DTL: variants seen among roughly 807,000 people sequenced by gnomAD.
The protein encoded by DTL is denticleless E3 ubiquitin protein ligase adapter.
In DTL, 46 loss-of-function variants were observed where a neutral mutation model predicts 87.0. That is an observed-to-expected ratio of 0.53 (90% CI 0.42 to 0.68). The LOEUF (loss-of-function observed/expected upper bound fraction) is 0.68. Ranked by LOEUF, DTL falls within the 30% of genes least tolerant of loss-of-function variation. The probability of loss-of-function intolerance (pLI) is 0.00; values close to 1 mark genes in which losing one functional copy is unlikely to be tolerated. For synonymous variants in DTL, 308 were observed against 311.2 expected (o/e 0.99, Z 0.11); for missense variants, 737 against 869.4 (o/e 0.85, Z 1.91).
intron 8 of DTL, among the ~76,000 whole-genome samples, chr1:212,067,254 T>C (rs1558080508): frequency 6.6e-6 from 1 of 152,206 alleles, no homozygotes; most frequent in Non-Finnish European, 1.5e-5. Flanking sequence ...TTTTGTCTTT[T>C]TCAGGTTTAA....
At chr1:212,057,581 C>A (rs1020864376) in intron 5 of DTL, among the ~76,000 whole-genome samples, 1 of 151,942 alleles carries the variant, frequency 6.6e-6, no homozygotes, top group Non-Finnish European at 1.5e-5. Flanking sequence ...TACTGGTAAG[C>A]AAACACACAA....
chr1:212,084,302 C>T (rs1408740774), intron 13 of DTL, among the ~76,000 whole-genome samples: 2 of 151,576 alleles, frequency 1.3e-5, no homozygotes, highest in Non-Finnish European at 2.9e-5. Flanking sequence ...TCTCCTGCCT[C>T]AGCCTCCTGA....
rs1363331451 is a variant in DTL, at chr1:212,102,877, C to A, written c.2130C>A (p.Cys710Ter). Reference protein sequence around the residue: ...TITPSSMRKICTYFHRKSQED... With the variant: ...TITPSSMRKI Reference sequence around the variant, plus strand: ...CGCCCAGCTCCATGAGGAAAATCTGCACATACTTCCATAGAAAGTCCCAGG... The same window carrying A: ...CGCCCAGCTCCATGAGGAAAATCTGAACATACTTCCATAGAAAGTCCCAGG... Residue 710 changes from cysteine to a stop codon, truncating the protein, a stop_gained, in exon 15 of 15, where the codon TGC becomes TGA. Coordinates refer to ENST00000366991, the MANE Select transcript of DTL (RefSeq NM_016448.4). LOFTEE classifies it high-confidence loss of function. 1.2e-6 allele frequency: 2 copies of A among 1,612,658 alleles called. No individual in the cohort carries two copies. The highest frequency in any genetic ancestry group is 4.5e-5 in the East Asian group (2 of 44,812).
intron 13 of DTL, among the ~76,000 whole-genome samples, chr1:212,082,335 T>C (rs1655011082): frequency 6.6e-6 from 1 of 152,188 alleles, no homozygotes. Flanking sequence ...TAGACAGTTC[T>C]TTCAAGGAGT....
chr1:212,072,111 C>G lies in DTL; in HGVS notation c.933C>G (p.Phe311Leu), dbSNP rs370526029. The change falls in exon 11 of 15, where the codon TTC becomes TTG. Residue 311 changes from phenylalanine (F) to leucine (L), a missense_variant. Phe to Leu is a conservative substitution (Grantham distance 22). Transcript: ENST00000366991. Reference sequence around the variant, plus strand: ...TTTTTCCTCTGGCAGTGGCTATTTTCAATGGACACCAGAACTCTACCTTTT... The same window carrying G: ...TTTTTCCTCTGGCAGTGGCTATTTTGAATGGACACCAGAACTCTACCTTTT... Reference protein sequence around the residue: ...TGLKTSPVAIFNGHQNSTFYV... With the variant: ...TGLKTSPVAILNGHQNSTFYV... 325 of 1,613,712 alleles carry G rather than the reference C, an allele frequency of 2.0e-4. No individual in the cohort carries two copies. The highest frequency in any genetic ancestry group is 2.4e-4 in the Non-Finnish European group (288 of 1,179,870).
intron 14 of DTL, 24 bp downstream of exon 14, chr1:212,101,108 T>TA (rs761394698): frequency 6.6e-7 from 1 of 1,520,226 alleles, no homozygotes; most frequent in South Asian, 1.3e-5. Flanking sequence ...GGTGGGAAGA[T>TA]ACATTTCCTA....
At chr1:212,064,648 A>C (rs1223074882) in intron 6 of DTL, among the ~76,000 whole-genome samples, 1 of 152,180 alleles carries the variant, frequency 6.6e-6, no homozygotes, top group East Asian at 1.9e-4. Flanking sequence ...ATAATATTCC[A>C]TTGTCTGGAT....
rs752282827 is a variant in DTL at position 212,035,883 on chromosome 1, C to T, written c.-8C>T. 2 of 1,614,092 alleles carry T rather than the reference C, an allele frequency of 1.2e-6. No individual in the cohort carries two copies. The highest frequency in any genetic ancestry group is 1.7e-6 in the Non-Finnish European group (2 of 1,179,968). ...TTTCTCTCAGCTGAGGCTTTTCCTC[C>T]GACCCTGATGCTCTTCAATTCGGTG... is the stretch of plus-strand genomic sequence containing the variant. On this transcript the variant is annotated 5_prime_UTR_variant, in exon 1 of 15. Transcript: ENST00000366991.
At chr1:212,063,364 C>T (rs1315747918) in intron 6 of DTL, among the ~76,000 whole-genome samples, 1 of 151,074 alleles carries the variant, frequency 6.6e-6, no homozygotes, top group Non-Finnish European at 1.5e-5. Context: ...ACTTGGCTCA[C>T]TGCACTCCCC....
At position 212,050,373 on chromosome 1, in the gene DTL, C is replaced by G. The variant is rs137964903; in HGVS notation, c.460+2956C>G. Among the ~76,000 whole-genome samples, 525 of 152,130 alleles carry G rather than the reference C, an allele frequency of 3.5e-3. 3 individuals carry two copies. The highest frequency in any genetic ancestry group is 5.4e-3 in the Non-Finnish European group (369 of 67,988). On this transcript the variant is annotated intron_variant, in intron 5 of 14. Coordinates refer to ENST00000366991, the MANE Select transcript of DTL (RefSeq NM_016448.4). ...GAATTTGCCTTCCCTAAGTATCTAC[C>G]AACTAAAAGCAAAGAAAATGGACTC...
At chr1:212,068,760 G>GTA in intron 10 of DTL, 57 bp downstream of exon 10, 4 of 1,144,180 alleles carry the variant, frequency 3.5e-6, no homozygotes, top group Non-Finnish European at 5.1e-6. Context: ...GCTTTTTTTG[G>GTA]TAATGATAAT....
At position 212,080,352 on chromosome 1, in the gene DTL, T is replaced by C. The variant is rs191701197; in HGVS notation, c.1126-263T>C. 3 of 266,000 alleles carry C rather than the reference T, an allele frequency of 1.1e-5. No individual in the cohort carries two copies. The Admixed American group carries it at 1.5e-4, about 13-fold the overall frequency. The allele number at this position is 266,000 out of a possible 1,614,324, so 16.5% of individuals were successfully genotyped here. On this transcript the variant is annotated intron_variant, in intron 12 of 14. Transcript: ENST00000366991. ...ATGATAAAGAGCCAGAACTTTAGAT[T>C]AGATAAGAAATGACCAGTAACAAAA... is the stretch of plus-strand genomic sequence containing the variant.
chr1:212,094,760 G>A (rs943426663), intron 13 of DTL, among the ~76,000 whole-genome samples: 1 of 152,132 alleles, frequency 6.6e-6, no homozygotes, highest in African/African-American at 2.4e-5. Flanking sequence ...CCATTTGTTT[G>A]TGTCATCTGA....
At chr1:212,068,508 C>T in intron 9 of DTL, 91 bp from the exon 10 acceptor site, 2 of 904,776 alleles carry the variant, frequency 2.2e-6, no homozygotes, top group Non-Finnish European at 3.5e-6. Flanking sequence ...GATGATGATT[C>T]TTATGAAATG....
intron 5 of DTL, among the ~76,000 whole-genome samples, chr1:212,060,375 G>A (rs1571954200): frequency 1.3e-5 from 2 of 152,034 alleles, no homozygotes; most frequent in Non-Finnish European, 2.9e-5. Context: ...TACAATAAAC[G>A]GTGCTGGGAA....
intron 2 of DTL, among the ~76,000 whole-genome samples, chr1:212,043,340 C>T (rs1226494731): frequency 6.6e-6 from 1 of 152,168 alleles, no homozygotes. Flanking sequence ...ACTATTATAG[C>T]ACTATTTTTA....
Position 212,037,226 on chromosome 1 carries a change from T to C in DTL, c.52+1284T>C, listed in dbSNP as rs554273781. On this transcript the variant is annotated intron_variant, in intron 1 of 14. Coordinates refer to ENST00000366991, the MANE Select transcript of DTL (RefSeq NM_016448.4). Reference sequence around the variant, plus strand: ...ATTTTGTGACAGATTTTCTCCTAATTCTCCATGTGTTTACCTTTCCCTTCC... The same window carrying C: ...ATTTTGTGACAGATTTTCTCCTAATCCTCCATGTGTTTACCTTTCCCTTCC... 3.5e-4 allele frequency among the ~76,000 whole-genome samples: 53 copies of C among 152,304 alleles called. 1 individual carries two copies. Among genetic ancestry groups the C allele is most frequent in the Middle Eastern group, 6.8e-3 (2 of 294 alleles).
At chr1:212,054,764 C>T (rs1002390709) in intron 5 of DTL, among the ~76,000 whole-genome samples, 2 of 137,858 alleles carry the variant, frequency 1.5e-5, no homozygotes, top group Non-Finnish European at 3.0e-5. Flanking sequence ...CACTGCACTC[C>T]AGCCTGGGTG....
At chr1:212,081,910 G>A (rs1348275935) in intron 13 of DTL, among the ~76,000 whole-genome samples, 1 of 152,092 alleles carries the variant, frequency 6.6e-6, no homozygotes, top group African/African-American at 2.4e-5. Context: ...TGTCAGGGAG[G>A]CATTTCGATG....
Sources: gnomAD v4.1 joint callset for allele counts (sites outside exome capture counted in the v4.1 genomes callset) on GRCh38, gnomAD v4.1.1 for gene constraint, MANE v1.5 for transcripts, NCBI Gene and HGNC (gene_info 2026-07-23, HGNC 2026-07-21) for gene names.